Variants in TMEM232 observed in about 807,000 individuals in gnomAD.
TMEM232 encodes transmembrane protein 232.
Under a neutral mutation model 78.8 loss-of-function variants are expected in TMEM232, and 80 were observed. The ratio of observed to expected loss-of-function variants is 1.01; its 90% CI spans 0.85 to 1.22. TMEM232 has a LOEUF of 1.22. Among genes scored for constraint, TMEM232 ranks in the 50% most tolerant of loss-of-function variants. The pLI is 0.00. For missense variants in TMEM232, 881 were observed against 742.2 expected (o/e 1.19, Z -2.17); for synonymous variants, 297 against 254.3 (o/e 1.17, Z -1.60).
chr5:110,688,450 C>T (rs1231058915), intron 1 of TMEM232, among the ~76,000 whole-genome samples: 1 of 152,134 alleles, frequency 6.6e-6, no homozygotes, highest in Admixed American at 6.5e-5. Flanking sequence ...TAACAGAAGT[C>T]ATTCAGATAC....
At chr5:110,691,324 G>C (rs1794096362) in intron 1 of TMEM232, among the ~76,000 whole-genome samples, 1 of 152,112 alleles carries the variant, frequency 6.6e-6, no homozygotes, top group Non-Finnish European at 1.5e-5. Context: ...GGCATACTTA[G>C]TTAAATATTT....
chr5:110,645,347 T>C lies in TMEM232; in HGVS notation c.126-2976A>G, dbSNP rs532947535. Among the ~76,000 whole-genome samples, 9 of 150,766 alleles carry C rather than the reference T, an allele frequency of 6.0e-5. No homozygotes were observed. In the South Asian group the frequency reaches 1.9e-3, roughly 31 times the overall value. ...ATAAATAAAATACTAGCAAAGCAAA[T>C]ATAATAACACATTAAAACAATTATA... On this transcript the variant is annotated intron_variant, in intron 2 of 13. Coordinates refer to ENST00000455884, the MANE Select transcript of TMEM232 (RefSeq NM_001039763.4).
At chr5:110,501,797 C>G (rs1364603611) in intron 12 of TMEM232, among the ~76,000 whole-genome samples, 1 of 152,094 alleles carries the variant, frequency 6.6e-6, no homozygotes, top group Non-Finnish European at 1.5e-5. Context: ...CTGGTTGAAG[C>G]TATCAAAGTG....
intron 10 of TMEM232, among the ~76,000 whole-genome samples, chr5:110,585,500 T>C (rs1273370766): frequency 1.3e-5 from 2 of 152,122 alleles, no homozygotes; most frequent in African/African-American, 4.8e-5. Context: ...GTTTTCACAA[T>C]GTTTGTTGGG....
intron 12 of TMEM232, among the ~76,000 whole-genome samples, chr5:110,445,055 G>C (rs899332220): frequency 2.0e-5 from 3 of 151,368 alleles, no homozygotes; most frequent in African/African-American, 7.3e-5. Flanking sequence ...CTTTTCTATA[G>C]CCCTCATTTT....
chr5:110,609,863 G>T (rs1013694710), intron 8 of TMEM232, among the ~76,000 whole-genome samples: 13 of 152,062 alleles, frequency 8.5e-5, no homozygotes, highest in African/African-American at 2.7e-4. Flanking sequence ...AAGGAAAATA[G>T]ATTACAGCAA....
intron 13 of TMEM232, among the ~76,000 whole-genome samples, chr5:110,423,075 C>G (rs943338662): frequency 6.6e-6 from 1 of 152,112 alleles, no homozygotes; most frequent in Non-Finnish European, 1.5e-5. Flanking sequence ...AACCCTTCAA[C>G]AAAAGTCTGT....
At chr5:110,596,176 G>A (rs1780138638) in intron 10 of TMEM232, among the ~76,000 whole-genome samples, 1 of 152,184 alleles carries the variant, frequency 6.6e-6, no homozygotes, top group Non-Finnish European at 1.5e-5. Context: ...AAATGATAAA[G>A]GGGATATCAC....
intron 7 of TMEM232, among the ~76,000 whole-genome samples, chr5:110,620,948 C>T (rs564101572): frequency 1.1e-4 from 17 of 148,356 alleles, no homozygotes; most frequent in East Asian, 1.0e-3. Context: ...CTGCAACCTC[C>T]GCCTCCTGGG....
chr5:110,472,551 T>A (rs1218030313), intron 12 of TMEM232, among the ~76,000 whole-genome samples: 1 of 151,742 alleles, frequency 6.6e-6, no homozygotes, highest in Non-Finnish European at 1.5e-5. Flanking sequence ...AAAATAGGGA[T>A]CCTAAAATTT....
chr5:110,460,513 A>G (rs1026064538), intron 12 of TMEM232, among the ~76,000 whole-genome samples: 5 of 152,178 alleles, frequency 3.3e-5, no homozygotes, highest in African/African-American at 1.2e-4. Flanking sequence ...AAAATACTGC[A>G]AAGAAATTAA....
intron 2 of TMEM232, among the ~76,000 whole-genome samples, chr5:110,407,989 A>G (rs1471123838): frequency 6.6e-6 from 1 of 152,154 alleles, no homozygotes; most frequent in Non-Finnish European, 1.5e-5. Context: ...CAATGGGTCA[A>G]TGAAATAATT....
chr5:110,618,620 C>T (rs1580379651), intron 7 of TMEM232, 58 bp from the exon 8 acceptor site: 4 of 1,444,352 alleles, frequency 2.8e-6, no homozygotes, highest in East Asian at 5.0e-5. Context: ...AGAAAGAGTA[C>T]TCTGACTTGA....
In TMEM232 at chr5:110,441,077, C is replaced by T. The variant is rs531235789; in HGVS notation, c.1704-16161G>A. Among the ~76,000 whole-genome samples, 23 of 152,224 alleles carry T rather than the reference C, an allele frequency of 1.5e-4. No homozygotes were observed. In the South Asian group the frequency reaches 1.7e-3, roughly 11 times the overall value. ...CCTAACTGCTTTGACGCAGGTATGT[C>T]ACTTCTGTTCATGGTTCTTGCCAAA... On this transcript the variant is annotated intron_variant, in intron 12 of 13. Transcript: ENST00000455884.
intron 12 of TMEM232, among the ~76,000 whole-genome samples, chr5:110,461,256 A>G (rs1252326904): frequency 1.6e-5 from 2 of 123,302 alleles, no homozygotes; most frequent in East Asian, 4.0e-4. Flanking sequence ...ATGAATGATT[A>G]AAAAAAAAAG....
intron 12 of TMEM232, among the ~76,000 whole-genome samples, chr5:110,450,910 C>T (rs1450084382): frequency 2.6e-5 from 4 of 152,104 alleles, no homozygotes; most frequent in Non-Finnish European, 5.9e-5. Context: ...GAAAAGACTT[C>T]GAAGGCCAAG....
chr5:110,655,035 A>G (rs1191285213), intron 2 of TMEM232, among the ~76,000 whole-genome samples: 2 of 152,176 alleles, frequency 1.3e-5, no homozygotes, highest in East Asian at 1.9e-4. Flanking sequence ...AATGGTAACA[A>G]AAGCCAAAAT....
chr5:110,705,087 T>C (rs563949929), intron 1 of TMEM232, among the ~76,000 whole-genome samples: 14 of 152,270 alleles, frequency 9.2e-5, no homozygotes, highest in Admixed American at 5.2e-4. Context: ...AACTAAACTA[T>C]ATCTACAGGT....
intron 1 of TMEM232, among the ~76,000 whole-genome samples, chr5:110,699,159 T>C (rs1000412852): frequency 6.6e-6 from 1 of 152,058 alleles, no homozygotes; most frequent in African/African-American, 2.4e-5. Flanking sequence ...TCACCTAGCA[T>C]TTGGAGTACT....
Sources: gnomAD v4.1 joint callset for allele counts (sites outside exome capture counted in the v4.1 genomes callset) on GRCh38, gnomAD v4.1.1 for gene constraint, MANE v1.5 for transcripts, NCBI Gene and HGNC (gene_info 2026-07-23, HGNC 2026-07-21) for gene names.